The following DENND1A variants were observed in gnomAD, a reference collection of about 807,000 sequenced individuals.
The protein encoded by DENND1A is DENN domain-containing protein 1A.
In DENND1A, 51 loss-of-function variants were observed where a neutral mutation model predicts 113.7. That is an observed-to-expected ratio of 0.45 (90% CI 0.36 to 0.57). The LOEUF (loss-of-function observed/expected upper bound fraction) is 0.57, where lower values mean the gene tolerates loss of function less well. Among genes scored for constraint, DENND1A ranks in the 20% least tolerant of loss-of-function variants. The pLI, the probability that DENND1A is intolerant of heterozygous loss-of-function variation, is 0.00. For missense variants in DENND1A, 1,258 were observed against 1,395.9 expected, an observed-to-expected ratio of 0.90 and a Z score of 1.57; for synonymous variants, 565 against 570.8, an observed-to-expected ratio of 0.99 and a Z score of 0.14.
chr9:123,464,994 C>CTAAAAAAAAAA (rs2048819666), intron 13 of DENND1A, among the ~76,000 whole-genome samples: 1 of 70,572 alleles, frequency 1.4e-5, no homozygotes, highest in African/African-American at 6.0e-5. Flanking sequence ...ACTAAAAATA[C>CTAAAAAAAAAA]AAAAAAAAAA....
At chr9:123,638,565 G>A (rs1162798496) in intron 9 of DENND1A, among the ~76,000 whole-genome samples, 1 of 152,102 alleles carries the variant, frequency 6.6e-6, no homozygotes, top group African/African-American at 2.4e-5. Flanking sequence ...TGCCTCCTGG[G>A]TTCAAGTGAT....
At chr9:123,849,090 A>T (rs1205575017) in intron 2 of DENND1A, among the ~76,000 whole-genome samples, 1 of 152,250 alleles carries the variant, frequency 6.6e-6, no homozygotes, top group African/African-American at 2.4e-5. Flanking sequence ...AGCTAAGATC[A>T]TTGATAAAGG....
chr9:123,893,413 C>T (rs899010092), intron 1 of DENND1A, among the ~76,000 whole-genome samples: 1 of 152,208 alleles, frequency 6.6e-6, no homozygotes, highest in African/African-American at 2.4e-5. Context: ...CCGTCATTAG[C>T]AGGACATGCG....
At chr9:123,924,439 C>T (rs1856752898) in intron 1 of DENND1A, among the ~76,000 whole-genome samples, 1 of 152,102 alleles carries the variant, frequency 6.6e-6, no homozygotes, top group Non-Finnish European at 1.5e-5. Context: ...GAGGCCAAGG[C>T]AGTCGGATCA....
Position 123,424,986 on chromosome 9 carries a change from C to T in DENND1A, c.1489-13157G>A, listed in dbSNP as rs1297698862. 2.0e-5 allele frequency among the ~76,000 whole-genome samples: 3 copies of T among 152,332 alleles called. No individual in the cohort carries two copies. The East Asian group carries it at 5.8e-4, about 29-fold the overall frequency. ...TCCTTAGCCCGCAGGCACTACCTGG[C>T]TCTGCCAGGGCTAGGGACTGATGGT... On this transcript the variant is annotated intron_variant, in intron 19 of 23. Coordinates refer to ENST00000394215, the MANE Select transcript of DENND1A (RefSeq NM_001352964.2).
At chr9:123,818,517 TATACAC>T (rs55689321) in intron 2 of DENND1A, among the ~76,000 whole-genome samples, 2,033 of 122,974 alleles carry the variant, frequency 0.017, 51 homozygotes, top group African/African-American at 0.044. Flanking sequence ...TATACATACA[TATACAC>T]ACACACACAC....
Position 123,408,406 on chromosome 9 carries a change from G to A in DENND1A, c.1542+3370C>T, listed in dbSNP as rs576522227. Among the ~76,000 whole-genome samples the A allele has an allele frequency of 1.5e-4, 23 of 152,336 alleles. No homozygotes were observed. In the South Asian group the frequency reaches 4.8e-3, roughly 32 times the overall value. On this transcript the variant is annotated intron_variant, in intron 20 of 23. Coordinates refer to ENST00000394215, the MANE Select transcript of DENND1A (RefSeq NM_001352964.2). ...TTAGTGGTGATGCTTGGCAGTGTAA[G>A]TTCGGGGGACATGCCAGGGACTGTG...
At chr9:123,493,436 T>C (rs1383848287) in intron 13 of DENND1A, among the ~76,000 whole-genome samples, 1 of 152,026 alleles carries the variant, frequency 6.6e-6, no homozygotes, top group Non-Finnish European at 1.5e-5. Context: ...GTGCAGCGGG[T>C]CCGGATGAAA....
At position 123,867,191 on chromosome 9, in the gene DENND1A, T is replaced by C. The variant is rs574015543; in HGVS notation, c.88+11760A>G. On this transcript the variant is annotated intron_variant, in intron 2 of 23. Coordinates refer to ENST00000394215, the MANE Select transcript of DENND1A (RefSeq NM_001352964.2). Reference sequence around the variant, plus strand: ...GTAACATAAAGAAGGAAATGCAAAATGTGTTGTGAAATAATACCAACAGAA... The same window carrying C: ...GTAACATAAAGAAGGAAATGCAAAACGTGTTGTGAAATAATACCAACAGAA... Among the ~76,000 whole-genome samples the C allele has an allele frequency of 4.1e-3, 622 of 152,274 alleles. 1 individual carries two copies. The highest frequency in any genetic ancestry group is 0.02 in the Middle Eastern group (6 of 294).
chr9:123,386,529 G>C (rs1376724527), intron 22 of DENND1A, among the ~76,000 whole-genome samples: 1 of 152,010 alleles, frequency 6.6e-6, no homozygotes, highest in Non-Finnish European at 1.5e-5. Context: ...TTACAGGTGT[G>C]AGCCACCATG....
intron 5 of DENND1A, among the ~76,000 whole-genome samples, chr9:123,753,013 A>G (rs1382786186): frequency 6.6e-6 from 1 of 152,214 alleles, no homozygotes; most frequent in African/African-American, 2.4e-5. Flanking sequence ...GAAATAATGC[A>G]TTTGATTTAT....
At chr9:123,439,265 T>A (rs780160865) in intron 19 of DENND1A, among the ~76,000 whole-genome samples, 1 of 152,200 alleles carries the variant, frequency 6.6e-6, no homozygotes, top group Non-Finnish European at 1.5e-5. Flanking sequence ...CTTTTAAGTA[T>A]AAAATCAGAA....
intron 19 of DENND1A, 24 bp from the exon 20 acceptor site, chr9:123,411,853 A>G: frequency 1.0e-6 from 1 of 985,730 alleles, no homozygotes; most frequent in Non-Finnish European, 1.2e-6. Flanking sequence ...GAAACTTACA[A>G]CATCAGGACA....
At chr9:123,452,054 C>T (rs954588365) in intron 17 of DENND1A, among the ~76,000 whole-genome samples, 8 of 142,314 alleles carry the variant, frequency 5.6e-5, no homozygotes, top group Non-Finnish European at 9.2e-5. Context: ...AAAAGCCAGG[C>T]GTGGTGGTGC....
At chr9:123,688,019 A>C (rs2064925772) in intron 5 of DENND1A, among the ~76,000 whole-genome samples, 1 of 152,272 alleles carries the variant, frequency 6.6e-6, no homozygotes, top group Non-Finnish European at 1.5e-5. Context: ...TCAAAGTATT[A>C]GAAGTAGAGT....
intron 18 of DENND1A, among the ~76,000 whole-genome samples, chr9:123,441,756 A>G (rs952924149): frequency 2.0e-5 from 3 of 152,204 alleles, no homozygotes; most frequent in Non-Finnish European, 4.4e-5. Flanking sequence ...AATAAAAATA[A>G]CTCAGCCAGA....
chr9:123,754,152 G>A (rs2070318319), intron 5 of DENND1A, among the ~76,000 whole-genome samples: 1 of 152,168 alleles, frequency 6.6e-6, no homozygotes, highest in Non-Finnish European at 1.5e-5. Context: ...CAAGGCACAG[G>A]TTAACTAAAG....
At chr9:123,695,074 A>G (rs1278256232) in intron 5 of DENND1A, among the ~76,000 whole-genome samples, 3 of 152,046 alleles carry the variant, frequency 2.0e-5, no homozygotes, top group Non-Finnish European at 1.5e-5. Flanking sequence ...CTCATGCTGG[A>G]TTGTTTCCTG....
At chr9:123,433,271 GT>G (rs2046273767) in intron 19 of DENND1A, among the ~76,000 whole-genome samples, 1 of 152,186 alleles carries the variant, frequency 6.6e-6, no homozygotes, top group South Asian at 2.1e-4. Context: ...TGAAACTTAA[GT>G]CCAGAACTGC....
Sources: allele counts gnomAD v4.1 joint callset (sites outside exome capture counted in the v4.1 genomes callset), GRCh38; gene constraint gnomAD v4.1.1; transcripts MANE v1.5; gene names NCBI Gene and HGNC (gene_info 2026-07-23, HGNC 2026-07-21).